Variants in LDLRAD4 observed in about 807,000 individuals in gnomAD.
The protein encoded by LDLRAD4 is low density lipoprotein receptor class A domain containing 4, also known as low-density lipoprotein receptor class A domain-containing protein 4.
Under a neutral mutation model 17.0 loss-of-function variants are expected in LDLRAD4, and 5 were observed. That is an observed-to-expected ratio of 0.29 (90% confidence interval 0.15 to 0.62). The LOEUF is 0.62. Among genes scored for constraint, LDLRAD4 ranks in the 20% least tolerant of loss-of-function variants. The pLI, the probability that LDLRAD4 is intolerant of heterozygous loss-of-function variation, is 0.84. For missense variants in LDLRAD4, 340 were observed against 424.7 expected (o/e 0.80, Z 1.75); for synonymous variants, 168 against 171.8 (o/e 0.98, Z 0.17).
intron 3 of LDLRAD4, among the ~76,000 whole-genome samples, chr18:13,523,182 G>C (rs1302451524): frequency 1.3e-5 from 2 of 152,220 alleles, no homozygotes; most frequent in Non-Finnish European, 2.9e-5. Context: ...GGTGGGGTCA[G>C]ATGGGTATCC....
chr18:13,438,526 CT>C, intron 3 of LDLRAD4, 142 bp downstream of exon 4: 1 of 707,428 alleles, frequency 1.4e-6, no homozygotes, highest in Non-Finnish European at 2.4e-6. Context: ...ATGTTTTCTT[CT>C]TTTAGGATAG....
exon 6 of LDLRAD4, chr18:13,648,933 T>G (rs1229660458): frequency 6.6e-6 from 1 of 152,208 alleles, no homozygotes; most frequent in Non-Finnish European, 1.5e-5. Context: ...AAAAGAGATT[T>G]CATGAAGCAA....
rs190864342 is a variant in LDLRAD4 at position 13,406,515 on chromosome 18, G to A, written c.40+18753G>A. Among the ~76,000 whole-genome samples, 12 of 152,278 alleles carry A rather than the reference G, an allele frequency of 7.9e-5. No homozygotes were observed. In the East Asian group the frequency reaches 1.9e-3, roughly 24 times the overall value. Reference sequence around the variant, plus strand: ...GGAGGACCTCATTCTCTGCCCCGTCGATGCCGTGGTGCGCATGATTATTAT... The same window carrying A: ...GGAGGACCTCATTCTCTGCCCCGTCAATGCCGTGGTGCGCATGATTATTAT... On this transcript the variant is annotated intron_variant, in intron 2 of 5. Transcript: ENST00000359446.
intron 3 of LDLRAD4, among the ~76,000 whole-genome samples, chr18:13,602,917 T>C (rs913745389): frequency 2.6e-5 from 4 of 152,272 alleles, no homozygotes; most frequent in South Asian, 2.1e-4. Flanking sequence ...AGGAATCCTA[T>C]TGGAGAGGAC....
chr18:13,624,229 A>C (rs1219167229), intron 4 of LDLRAD4, among the ~76,000 whole-genome samples: 1 of 152,138 alleles, frequency 6.6e-6, no homozygotes, highest in Non-Finnish European at 1.5e-5. Flanking sequence ...TCACTGTAAA[A>C]GAGGCTGCCT....
intron 3 of LDLRAD4, chr18:13,612,462 G>A (rs1388068173): frequency 2.3e-6 from 3 of 1,291,496 alleles, no homozygotes; most frequent in Middle Eastern, 3.0e-4. Context: ...GTCTGCGGTC[G>A]GAGCCACAGC....
intron 1 of LDLRAD4, among the ~76,000 whole-genome samples, chr18:13,266,536 C>T (rs1351779751): frequency 6.6e-6 from 1 of 152,250 alleles, no homozygotes; most frequent in Non-Finnish European, 1.5e-5. Context: ...TGGTGGCTGC[C>T]TTCTCCAGAT....
intron 5 of LDLRAD4, 28 bp downstream of exon 6, chr18:13,643,440 CGGGGG>C: frequency 7.5e-6 from 1 of 132,522 alleles, no homozygotes; most frequent in Non-Finnish European, 1.2e-5. Context: ...GTGATGGCTG[CGGGGG>C]GCGGGGGGGG....
At chr18:13,546,776 C>T (rs964591543) in intron 3 of LDLRAD4, among the ~76,000 whole-genome samples, 9 of 152,122 alleles carry the variant, frequency 5.9e-5, no homozygotes, top group South Asian at 2.1e-4. Context: ...TTAGAGAAAG[C>T]GGTGATCTCT....
At chr18:13,609,739 G>A (rs770418633) in intron 3 of LDLRAD4, among the ~76,000 whole-genome samples, 3 of 152,232 alleles carry the variant, frequency 2.0e-5, no homozygotes, top group Non-Finnish European at 2.9e-5. Flanking sequence ...CTGAGAAGCC[G>A]AAGCTGGTGG....
intron 1 of LDLRAD4, among the ~76,000 whole-genome samples, chr18:13,368,535 A>G (rs1297641908): frequency 6.6e-6 from 1 of 152,078 alleles, no homozygotes; most frequent in Non-Finnish European, 1.5e-5. Flanking sequence ...ACCGAAAGCA[A>G]CTCTGATTTT....
chr18:13,369,524 G>A (rs1171810563), intron 1 of LDLRAD4, among the ~76,000 whole-genome samples: 2 of 152,102 alleles, frequency 1.3e-5, no homozygotes, highest in Non-Finnish European at 2.9e-5. Context: ...TCTCCAGTTG[G>A]GGTGGAGGGA....
intron 1 of LDLRAD4, among the ~76,000 whole-genome samples, chr18:13,267,484 TGCCCAGGGGC>T (rs1281250916): frequency 1.3e-5 from 2 of 152,388 alleles, no homozygotes; most frequent in East Asian, 3.9e-4. Context: ...ATAGTGAAGC[TGCCCAGGGGC>T]ATAGCCTGTG....
intron 3 of LDLRAD4, among the ~76,000 whole-genome samples, chr18:13,538,549 C>T (rs1240313154): frequency 6.8e-6 from 1 of 146,634 alleles, no homozygotes; most frequent in Non-Finnish European, 1.5e-5. Flanking sequence ...TTTTTTGAGA[C>T]AAGGTCTCAG....
intron 1 of LDLRAD4, among the ~76,000 whole-genome samples, chr18:13,306,515 T>G (rs1420784533): frequency 6.6e-6 from 1 of 152,098 alleles, no homozygotes. Context: ...ATAAGACATC[T>G]CATATCAGCC....
chr18:13,348,562 A>G (rs968978580), intron 1 of LDLRAD4, among the ~76,000 whole-genome samples: 1 of 152,134 alleles, frequency 6.6e-6, no homozygotes, highest in Non-Finnish European at 1.5e-5. Context: ...TCAGATCTCA[A>G]GCGGCGTGCT....
chr18:13,541,937 G>A (rs1416824177), intron 3 of LDLRAD4, among the ~76,000 whole-genome samples: 1 of 152,196 alleles, frequency 6.6e-6, no homozygotes, highest in African/African-American at 2.4e-5. Context: ...TTAGTGGGGT[G>A]TGGTGGTACA....
At position 13,441,521 on chromosome 18, in the gene LDLRAD4, C is replaced by G. The variant is rs957392988; in HGVS notation, c.181+3137C>G. ...CCACCTGGGGGATATACTCAGTGTT[C>G]CGGATCTGAGGGCACTGAGGCTGAA... On this transcript the variant is annotated intron_variant, in intron 3 of 5. Coordinates refer to ENST00000359446, the Ensembl canonical transcript of LDLRAD4. Among the ~76,000 whole-genome samples, 9 of 152,178 alleles carry G rather than the reference C, an allele frequency of 5.9e-5. 1 individual carries two copies.
intron 1 of LDLRAD4, among the ~76,000 whole-genome samples, chr18:13,357,795 C>T (rs567987966): frequency 6.6e-6 from 1 of 152,252 alleles, no homozygotes; most frequent in East Asian, 1.9e-4. Context: ...CATTTGGTTA[C>T]CCATGGTATA....
Sources: allele counts gnomAD v4.1 joint callset (sites outside exome capture counted in the v4.1 genomes callset), GRCh38; gene constraint gnomAD v4.1.1; transcripts MANE v1.5; gene names NCBI Gene and HGNC (gene_info 2026-07-23, HGNC 2026-07-21).